GPR158: variants seen among roughly 807,000 people sequenced by gnomAD.
GPR158 encodes the protein metabotropic glycine receptor.
Under a neutral mutation model 78.2 loss-of-function variants are expected in GPR158, and 30 were observed. The ratio of observed to expected loss-of-function variants is 0.38; its 90% CI spans 0.29 to 0.52. The LOEUF (loss-of-function observed/expected upper bound fraction) is 0.52. Among genes scored for constraint, GPR158 ranks in the 20% least tolerant of loss-of-function variants. The probability of loss-of-function intolerance (pLI) is 0.83; values close to 1 mark genes in which losing one functional copy is unlikely to be tolerated. For synonymous variants in GPR158, 581 were observed against 591.1 expected (o/e 0.98, Z 0.25); for missense variants, 1,463 against 1,523.5 (o/e 0.96, Z 0.66).
intron 2 of GPR158, among the ~76,000 whole-genome samples, chr10:25,297,719 G>A (rs67733590): frequency 0.2 from 30,899 of 152,104 alleles, 5,299 homozygotes; most frequent in African/African-American, 0.47. Context: ...TGTGAACCAT[G>A]ACCTATAGAA....
At chr10:25,360,821 G>A (rs949699489) in intron 2 of GPR158, among the ~76,000 whole-genome samples, 6 of 151,950 alleles carry the variant, frequency 3.9e-5, no homozygotes, top group South Asian at 2.1e-4. Flanking sequence ...AGCTTGATAG[G>A]GATAGCATTG....
intron 2 of GPR158, among the ~76,000 whole-genome samples, chr10:25,371,745 TA>T (rs2130550480): frequency 1.5e-5 from 2 of 134,774 alleles, no homozygotes; most frequent in South Asian, 5.2e-4. Context: ...CCTAAAACCA[TA>T]AAAACCCTAG....
chr10:25,258,117 C>G (rs1279472709), intron 2 of GPR158, among the ~76,000 whole-genome samples: 1 of 152,010 alleles, frequency 6.6e-6, no homozygotes, highest in African/African-American at 2.4e-5. Flanking sequence ...TCACTTTGTG[C>G]CCAGAGTCAA....
intron 2 of GPR158, among the ~76,000 whole-genome samples, chr10:25,232,738 C>A (rs1316856104): frequency 6.6e-6 from 1 of 152,108 alleles, no homozygotes; most frequent in Non-Finnish European, 1.5e-5. Context: ...ACGCTTTTGT[C>A]CTCAAAGTAG....
chr10:25,232,931 T>C (rs1853470700), intron 2 of GPR158, among the ~76,000 whole-genome samples: 1 of 152,114 alleles, frequency 6.6e-6, no homozygotes, highest in Non-Finnish European at 1.5e-5. Flanking sequence ...TGAATGTAAT[T>C]GATGAAACAA....
chr10:25,202,372 T>G (rs1252115090), intron 1 of GPR158, among the ~76,000 whole-genome samples: 1 of 152,128 alleles, frequency 6.6e-6, no homozygotes, highest in Non-Finnish European at 1.5e-5. Flanking sequence ...TCATTTACAT[T>G]AGGTATTTCC....
At chr10:25,194,423 T>C (rs7923288) in intron 1 of GPR158, among the ~76,000 whole-genome samples, 32,631 of 152,016 alleles carry the variant, frequency 0.21, 4,901 homozygotes, top group African/African-American at 0.42. Context: ...CCTGTAGTCC[T>C]AGCTGCTCAG....
intron 5 of GPR158, among the ~76,000 whole-genome samples, chr10:25,540,018 A>C (rs1008715119): frequency 3.9e-5 from 6 of 152,160 alleles, no homozygotes; most frequent in South Asian, 2.1e-4. Flanking sequence ...CAACCTACAG[A>C]ATGGGAGAAA....
At chr10:25,215,163 A>T (rs1853191407) in intron 1 of GPR158, among the ~76,000 whole-genome samples, 2 of 152,222 alleles carry the variant, frequency 1.3e-5, no homozygotes, top group Non-Finnish European at 2.9e-5. Flanking sequence ...GTGTATATAA[A>T]ATGGAATCTT....
intron 5 of GPR158, among the ~76,000 whole-genome samples, chr10:25,522,329 C>A (rs114533269): frequency 6.6e-6 from 1 of 152,132 alleles, no homozygotes; most frequent in Admixed American, 6.5e-5. Context: ...TGTAATAAAT[C>A]GCCTGCTTTT....
chr10:25,361,993 T>C (rs1327403160), intron 2 of GPR158, among the ~76,000 whole-genome samples: 1 of 151,954 alleles, frequency 6.6e-6, no homozygotes, highest in Non-Finnish European at 1.5e-5. Context: ...GTCTCATTTG[T>C]TTATTTTTGG....
At chr10:25,253,440 G>A (rs1024263524) in intron 2 of GPR158, among the ~76,000 whole-genome samples, 1 of 152,182 alleles carries the variant, frequency 6.6e-6, no homozygotes, top group Non-Finnish European at 1.5e-5. Context: ...AAAGAGCTAT[G>A]AAATGTCAAC....
chr10:25,194,580 G>A (rs1852819867), intron 1 of GPR158, among the ~76,000 whole-genome samples: 1 of 152,026 alleles, frequency 6.6e-6, no homozygotes. Flanking sequence ...AGCCAGAAGT[G>A]AGACGACTTG....
At chr10:25,509,776 G>GT (rs1239372934) in intron 5 of GPR158, among the ~76,000 whole-genome samples, 2 of 152,108 alleles carry the variant, frequency 1.3e-5, no homozygotes, top group Non-Finnish European at 2.9e-5. Flanking sequence ...GAGTGCAGTG[G>GT]TGCGATCTCC....
At chr10:25,515,849 T>C (rs1181135823) in intron 5 of GPR158, among the ~76,000 whole-genome samples, 19 of 150,602 alleles carry the variant, frequency 1.3e-4, no homozygotes, top group Non-Finnish European at 2.5e-4. Context: ...TGTGTCTTTA[T>C]AGCAGCATGA....
chr10:25,298,890 C>T (rs1362967670), intron 2 of GPR158, among the ~76,000 whole-genome samples: 3 of 152,068 alleles, frequency 2.0e-5, no homozygotes, highest in Non-Finnish European at 4.4e-5. Context: ...ATTTATTTAC[C>T]ACAATCAGAA....
chr10:25,403,569 A>G (rs1414996822), intron 3 of GPR158, among the ~76,000 whole-genome samples: 1 of 152,068 alleles, frequency 6.6e-6, no homozygotes, highest in Admixed American at 6.6e-5. Flanking sequence ...AGCAAGGCAG[A>G]TTGGCATTCT....
intron 5 of GPR158, among the ~76,000 whole-genome samples, chr10:25,542,169 C>A (rs1005913907): frequency 6.6e-6 from 1 of 151,974 alleles, no homozygotes; most frequent in African/African-American, 2.4e-5. Flanking sequence ...TCTCTACTAA[C>A]AGAAACCCCA....
intron 5 of GPR158, among the ~76,000 whole-genome samples, chr10:25,472,961 G>A (rs1835529717): frequency 6.6e-6 from 1 of 152,032 alleles, no homozygotes; most frequent in East Asian, 1.9e-4. Context: ...TCTCCTGCCT[G>A]ATTGCCCTGG....
Sources: allele counts gnomAD v4.1 joint callset (sites outside exome capture counted in the v4.1 genomes callset), GRCh38; gene constraint gnomAD v4.1.1; transcripts MANE v1.5; gene names NCBI Gene and HGNC (gene_info 2026-07-23, HGNC 2026-07-21).